The following CDH18 variants were observed in gnomAD, a reference collection of about 807,000 sequenced individuals.
The protein encoded by CDH18 is cadherin 18.
A neutral mutation model predicts 67.9 loss-of-function variants in CDH18; 31 were observed. The ratio of observed to expected loss-of-function variants is 0.46; its 90% CI spans 0.34 to 0.62. CDH18 has a LOEUF of 0.62. Among genes scored for constraint, CDH18 ranks in the 20% least tolerant of loss-of-function variants. CDH18 has a pLI of 0.01. For missense variants in CDH18, 890 were observed against 975.5 expected (o/e 0.91, Z 1.17); for synonymous variants, 362 against 347.2 (o/e 1.04, Z -0.48).
At chr5:19,707,909 C>A (rs1764172330) in intron 5 of CDH18, among the ~76,000 whole-genome samples, 1 of 152,214 alleles carries the variant, frequency 6.6e-6, no homozygotes, top group African/African-American at 2.4e-5. Context: ...GCTTGAATTG[C>A]CCTTCTCCAT....
intron 5 of CDH18, among the ~76,000 whole-genome samples, chr5:19,665,894 T>C (rs899712849): frequency 7.2e-5 from 11 of 152,042 alleles, no homozygotes; most frequent in African/African-American, 7.2e-5. Flanking sequence ...TAACACAGAA[T>C]ATGTGACACA....
intron 2 of CDH18, among the ~76,000 whole-genome samples, chr5:19,975,887 T>C (rs1798449274): frequency 8.5e-6 from 1 of 118,342 alleles, no homozygotes; most frequent in African/African-American, 2.5e-5. Context: ...ATTTAAGTGT[T>C]AAAAATACCT....
At chr5:20,169,149 G>C (rs1340861955) in intron 2 of CDH18, among the ~76,000 whole-genome samples, 1 of 152,080 alleles carries the variant, frequency 6.6e-6, no homozygotes, top group Non-Finnish European at 1.5e-5. Flanking sequence ...TGGATTGTTT[G>C]TAACATAAAG....
At chr5:20,104,836 G>T (rs148572913) in intron 2 of CDH18, among the ~76,000 whole-genome samples, 1 of 151,840 alleles carries the variant, frequency 6.6e-6, no homozygotes, top group Non-Finnish European at 1.5e-5. Flanking sequence ...ACCAATATCC[G>T]CATCCACACT....
chr5:19,797,925 G>T (rs1051356424), intron 3 of CDH18, among the ~76,000 whole-genome samples: 5 of 152,022 alleles, frequency 3.3e-5, no homozygotes, highest in Non-Finnish European at 5.9e-5. Context: ...TATTAATGCT[G>T]GTGATAAAGC....
rs144403032 is a variant in CDH18 at position 20,139,942 on chromosome 5, G to A, written c.-518+115502C>T. Among the ~76,000 whole-genome samples the A allele has an allele frequency of 1.2e-3, 190 of 152,126 alleles. 3 individuals are homozygous for A. In the East Asian group the frequency reaches 0.033, roughly 27 times the overall value. On this transcript the variant is annotated intron_variant, in intron 2 of 14. Transcript: ENST00000507958. ...TTAAGGATCTAGAACTAGAAATACCGTTTGACCCACCCATCCCATTACTGG... is the reference window on the plus strand; with the variant it reads ...TTAAGGATCTAGAACTAGAAATACCATTTGACCCACCCATCCCATTACTGG...
intron 5 of CDH18, among the ~76,000 whole-genome samples, chr5:19,662,670 A>G (rs1325077637): frequency 1.1e-4 from 16 of 151,994 alleles, no homozygotes; most frequent in Admixed American, 1.1e-3. Flanking sequence ...GTGCAGCACT[A>G]CATCTGGCCT....
chr5:20,027,482 A>T (rs967849899), intron 2 of CDH18, among the ~76,000 whole-genome samples: 1 of 152,216 alleles, frequency 6.6e-6, no homozygotes, highest in Non-Finnish European at 1.5e-5. Context: ...TTTTACTGAG[A>T]ACCTGTTACA....
At chr5:20,203,909 A>C (rs1911826) in intron 2 of CDH18, among the ~76,000 whole-genome samples, 77,300 of 151,712 alleles carry the variant, frequency 0.51, 20,090 homozygotes, top group Middle Eastern at 0.65. Context: ...CAGAGCAAAT[A>C]ATCAGTGAGC....
At chr5:20,150,190 G>A (rs1027963339) in intron 2 of CDH18, among the ~76,000 whole-genome samples, 4 of 152,078 alleles carry the variant, frequency 2.6e-5, no homozygotes, top group Non-Finnish European at 5.9e-5. Context: ...AATTTTACCT[G>A]TGGAAAAAAG....
chr5:19,613,256 C>G (rs913298786), intron 5 of CDH18, among the ~76,000 whole-genome samples: 2 of 152,116 alleles, frequency 1.3e-5, no homozygotes. Flanking sequence ...GAAGTTTCAA[C>G]TAAGGTGGTC....
At chr5:19,480,295 A>G (rs1037989151) in intron 12 of CDH18, among the ~76,000 whole-genome samples, 1 of 152,028 alleles carries the variant, frequency 6.6e-6, no homozygotes, top group African/African-American at 2.4e-5. Context: ...ACAAAAAAGA[A>G]GTATGTTAAT....
chr5:20,370,051 C>A (rs1231326617), intron 1 of CDH18, among the ~76,000 whole-genome samples: 1 of 152,008 alleles, frequency 6.6e-6, no homozygotes, highest in African/African-American at 2.4e-5. Flanking sequence ...TCTTTTATTT[C>A]TAGAGATATA....
intron 2 of CDH18, among the ~76,000 whole-genome samples, chr5:19,905,751 T>A (rs1171939463): frequency 6.6e-6 from 1 of 151,940 alleles, no homozygotes; most frequent in African/African-American, 2.4e-5. Context: ...ACAACTTTAT[T>A]AAAATCAATT....
chr5:20,409,868 T>C (rs1319548643), intron 1 of CDH18, among the ~76,000 whole-genome samples: 1 of 151,750 alleles, frequency 6.6e-6, no homozygotes, highest in Non-Finnish European at 1.5e-5. Context: ...AACACTTGTA[T>C]GCTAAGAAAC....
At chr5:20,210,072 T>C (rs1740237768) in intron 2 of CDH18, among the ~76,000 whole-genome samples, 1 of 151,674 alleles carries the variant, frequency 6.6e-6, no homozygotes, top group African/African-American at 2.4e-5. Context: ...TTTTAACTTT[T>C]AAAAATAACT....
chr5:19,493,509 G>C (rs572003303), intron 11 of CDH18, among the ~76,000 whole-genome samples: 188 of 151,206 alleles, frequency 1.2e-3, no homozygotes, highest in Middle Eastern at 3.4e-3. Flanking sequence ...TGGACAGATA[G>C]CTTAAAATGT....
chr5:19,893,718 G>T (rs1789009454), intron 2 of CDH18, among the ~76,000 whole-genome samples: 1 of 152,132 alleles, frequency 6.6e-6, no homozygotes, highest in Non-Finnish European at 1.5e-5. Context: ...ATTTAAGGAA[G>T]ATTTATGGAA....
intron 2 of CDH18, among the ~76,000 whole-genome samples, chr5:19,950,571 C>G (rs1795694999): frequency 6.6e-6 from 1 of 152,064 alleles, no homozygotes; most frequent in South Asian, 2.1e-4. Flanking sequence ...ATATTTCTAT[C>G]TCATGATATG....
Sources: allele counts gnomAD v4.1 joint callset (sites outside exome capture counted in the v4.1 genomes callset), GRCh38; gene constraint gnomAD v4.1.1; transcripts MANE v1.5; gene names NCBI Gene and HGNC (gene_info 2026-07-23, HGNC 2026-07-21).